Variants in RIMS2 observed in about 807,000 individuals in gnomAD.
RIMS2 encodes regulating synaptic membrane exocytosis 2.
RIMS2 carries 59 observed loss-of-function variants against 174.4 expected under a neutral mutation model. That is an observed-to-expected ratio of 0.34 (90% CI 0.27 to 0.42). The LOEUF (loss-of-function observed/expected upper bound fraction) is 0.42. RIMS2 is among the 10% of genes least tolerant of loss of function. The pLI, the probability that RIMS2 is intolerant of heterozygous loss-of-function variation, is 1.00. For missense variants in RIMS2, 1,620 were observed against 1,666.3 expected (o/e 0.97, Z 0.48); for synonymous variants, 606 against 572.5 (o/e 1.06, Z -0.84).
chr8:103,940,418 G>A (rs1348803672), intron 13 of RIMS2, among the ~76,000 whole-genome samples: 2 of 152,088 alleles, frequency 1.3e-5, no homozygotes, highest in Admixed American at 1.3e-4. Flanking sequence ...CTCCCACTGG[G>A]TCTCTCCCAT....
chr8:103,707,222 A>G (rs2137756721), intron 2 of RIMS2, among the ~76,000 whole-genome samples: 1 of 152,276 alleles, frequency 6.6e-6, no homozygotes, highest in African/African-American at 2.4e-5. Flanking sequence ...GGTATTTTGA[A>G]TTCCTTGCTT....
At chr8:103,998,950 G>C (rs1011526155) in intron 17 of RIMS2, among the ~76,000 whole-genome samples, 3 of 151,796 alleles carry the variant, frequency 2.0e-5, no homozygotes, top group Non-Finnish European at 4.4e-5. Flanking sequence ...ACTAGAAAGA[G>C]GGGTTAATTA....
At chr8:103,645,831 T>TA (rs941922151) in intron 1 of RIMS2, among the ~76,000 whole-genome samples, 1 of 152,054 alleles carries the variant, frequency 6.6e-6, no homozygotes, top group African/African-American at 2.4e-5. Flanking sequence ...AAAGGAATAT[T>TA]AAAAAAATGA....
chr8:103,781,738 C>CTTTTTTTTTTTTTTTTTTTTTTT (rs11308922), intron 3 of RIMS2, among the ~76,000 whole-genome samples: 1 of 88,494 alleles, frequency 1.1e-5, no homozygotes, highest in African/African-American at 4.6e-5. Context: ...CTCCCCTAAT[C>CTTTTTTTTTTTTTTTTTTTTTTT]TTTTTTTTTT....
At chr8:104,194,281 A>C (rs1297952358) in intron 19 of RIMS2, among the ~76,000 whole-genome samples, 2 of 152,150 alleles carry the variant, frequency 1.3e-5, no homozygotes, top group African/African-American at 4.8e-5. Context: ...TTCTGCAAAT[A>C]GTTTACCAAA....
At chr8:103,573,512 A>C (rs553311990) in intron 1 of RIMS2, among the ~76,000 whole-genome samples, 6 of 152,266 alleles carry the variant, frequency 3.9e-5, no homozygotes, top group Admixed American at 3.9e-4. Context: ...TTGACTGTCT[A>C]AGATCATTTT....
intron 19 of RIMS2, among the ~76,000 whole-genome samples, chr8:104,079,298 G>A (rs1464189041): frequency 6.6e-6 from 1 of 151,968 alleles, no homozygotes; most frequent in African/African-American, 2.4e-5. Flanking sequence ...TGCCAAGAGT[G>A]CAGTACCCTC....
chr8:103,501,078 C>A lies in RIMS2; in HGVS notation c.176+16C>A. 6.5e-7 allele frequency: 1 copy of A among 1,531,532 alleles called. No homozygotes were observed. The highest frequency in any genetic ancestry group is 2.5e-5 in the East Asian group (1 of 39,490). 94.9% of individuals were successfully genotyped at this position (1,531,532 alleles called of 1,614,324 possible). A position where few individuals can be genotyped will look rare whatever the true frequency, so the allele number is the denominator to read the frequency against. ...CCGTGCTCAAGTAAGGACCTGGCTC[C>A]ATATTCCCGCCTCTCTCCCTGCCCT... On this transcript the variant is annotated intron_variant, in intron 1 of 23. Transcript: ENST00000504942.
At chr8:103,790,354 A>G (rs1033287135) in intron 3 of RIMS2, among the ~76,000 whole-genome samples, 11 of 152,194 alleles carry the variant, frequency 7.2e-5, no homozygotes, top group African/African-American at 2.2e-4. Context: ...GTATCATGCA[A>G]TTATGTAGCC....
chr8:104,083,232 C>G (rs1378816979), intron 19 of RIMS2, among the ~76,000 whole-genome samples: 1 of 152,148 alleles, frequency 6.6e-6, no homozygotes, highest in Non-Finnish European at 1.5e-5. Flanking sequence ...ATTATTTAGC[C>G]TTGACTCTTT....
chr8:103,503,067 G>C (rs1384758503), intron 1 of RIMS2, among the ~76,000 whole-genome samples: 1 of 151,814 alleles, frequency 6.6e-6, no homozygotes, highest in Non-Finnish European at 1.5e-5. Context: ...AGAAACAAAT[G>C]TTCTCTAAAT....
At chr8:103,858,215 G>A (rs1241013574) in intron 3 of RIMS2, among the ~76,000 whole-genome samples, 1 of 152,170 alleles carries the variant, frequency 6.6e-6, no homozygotes, top group African/African-American at 2.4e-5. Context: ...TGCTAAAACA[G>A]GCATGAGACA....
intron 3 of RIMS2, among the ~76,000 whole-genome samples, chr8:103,772,901 C>CA (rs1461977580): frequency 2.0e-5 from 3 of 151,526 alleles, no homozygotes; most frequent in East Asian, 1.9e-4. Context: ...TATCCATATG[C>CA]AAAAAAATTT....
chr8:103,783,895 G>C (rs916082629), intron 3 of RIMS2, among the ~76,000 whole-genome samples: 135 of 152,206 alleles, frequency 8.9e-4, no homozygotes, highest in African/African-American at 3.1e-3. Context: ...CAGTGTAAAA[G>C]TGTCCCTATT....
At chr8:103,917,905 G>A (rs548882096) in intron 8 of RIMS2, among the ~76,000 whole-genome samples, 172 of 152,182 alleles carry the variant, frequency 1.1e-3, no homozygotes, top group Middle Eastern at 3.4e-3. Context: ...GAAAGTGGAG[G>A]TTGCAGTGAG....
intron 1 of RIMS2, among the ~76,000 whole-genome samples, chr8:103,571,400 T>C (rs1051600980): frequency 1.3e-5 from 2 of 152,192 alleles, no homozygotes; most frequent in Admixed American, 1.3e-4. Flanking sequence ...GAAAATACTG[T>C]AATAGGATGT....
intron 19 of RIMS2, among the ~76,000 whole-genome samples, chr8:104,240,968 C>T (rs1347416220): frequency 6.6e-6 from 1 of 152,026 alleles, no homozygotes; most frequent in Non-Finnish European, 1.5e-5. Flanking sequence ...GCTGTCATTT[C>T]AGTTTGAGGA....
intron 1 of RIMS2, among the ~76,000 whole-genome samples, chr8:103,509,963 T>C (rs1192767139): frequency 6.6e-6 from 1 of 152,200 alleles, no homozygotes; most frequent in Non-Finnish European, 1.5e-5. Flanking sequence ...TATAGTTACA[T>C]GGTTATAAAC....
At chr8:103,704,366 GT>G (rs773151211) in intron 2 of RIMS2, among the ~76,000 whole-genome samples, 1 of 151,666 alleles carries the variant, frequency 6.6e-6, no homozygotes, top group Non-Finnish European at 1.5e-5. Context: ...TTGCTAGAAT[GT>G]TTTTGAAGAT....
Sources: gnomAD v4.1 joint callset for allele counts (sites outside exome capture counted in the v4.1 genomes callset) on GRCh38, gnomAD v4.1.1 for gene constraint, MANE v1.5 for transcripts, NCBI Gene and HGNC (gene_info 2026-07-23, HGNC 2026-07-21) for gene names.